Variants in ADCY8 observed in about 807,000 individuals in gnomAD.
ADCY8 encodes adenylate cyclase 8.
Under a neutral mutation model 119.7 loss-of-function variants are expected in ADCY8, and 51 were observed. The observed-to-expected ratio is 0.43, with a 90% CI of 0.34 to 0.54. The LOEUF is 0.54. Among genes scored for constraint, ADCY8 ranks in the 20% least tolerant of loss-of-function variants. The pLI is 0.03. For missense variants in ADCY8, 1,383 were observed against 1,598.8 expected, an observed-to-expected ratio of 0.87 and a Z score of 2.30; for synonymous variants, 665 against 651.0, an observed-to-expected ratio of 1.02 and a Z score of -0.33.
chr8:130,996,282 ATAT>A (rs1261744472), intron 1 of ADCY8, among the ~76,000 whole-genome samples: 2 of 152,072 alleles, frequency 1.3e-5, no homozygotes, highest in African/African-American at 4.8e-5. Flanking sequence ...TACAGCTTTA[ATAT>A]TATTACAATC....
intron 14 of ADCY8, among the ~76,000 whole-genome samples, chr8:130,811,040 C>T (rs748128305): frequency 2.0e-5 from 3 of 152,086 alleles, no homozygotes; most frequent in Admixed American, 1.3e-4. Context: ...CTGATATTCT[C>T]TCTGCTTCCA....
At chr8:130,907,314 C>T in intron 6 of ADCY8, among the ~76,000 whole-genome samples, 1 of 151,924 alleles carries the variant, frequency 6.6e-6, no homozygotes. Flanking sequence ...GAGAACCGTT[C>T]TTCTAGAAAC....
At chr8:130,862,569 C>G (rs886913606) in intron 9 of ADCY8, among the ~76,000 whole-genome samples, 1 of 152,138 alleles carries the variant, frequency 6.6e-6, no homozygotes, top group East Asian at 1.9e-4. Context: ...CCGGCCACCA[C>G]GCCTGGCTAA....
chr8:130,950,761 G>A (rs920450717), intron 3 of ADCY8, among the ~76,000 whole-genome samples: 3 of 152,168 alleles, frequency 2.0e-5, no homozygotes, highest in Admixed American at 6.5e-5. Context: ...GTTCAGTGGT[G>A]CGATCTCAGT....
chr8:131,019,700 T>C (rs1823591137), intron 1 of ADCY8, among the ~76,000 whole-genome samples: 1 of 152,136 alleles, frequency 6.6e-6, no homozygotes, highest in Non-Finnish European at 1.5e-5. Context: ...AAACATGGGA[T>C]GCTGAGACTA....
chr8:130,983,450 G>A (rs1822298226), intron 2 of ADCY8, among the ~76,000 whole-genome samples: 1 of 152,158 alleles, frequency 6.6e-6, no homozygotes, highest in Admixed American at 6.5e-5. Flanking sequence ...CACACTCCAG[G>A]GGCAGAGAGA....
chr8:131,011,605 T>C lies in ADCY8; in HGVS notation c.961-21063A>G, dbSNP rs371987009. Among the ~76,000 whole-genome samples, 11 of 152,306 alleles carry C rather than the reference T, an allele frequency of 7.2e-5. No homozygotes were observed. The East Asian group carries it at 1.7e-3, about 24-fold the overall frequency. On this transcript the variant is annotated intron_variant, in intron 1 of 17. Coordinates refer to ENST00000286355, the MANE Select transcript of ADCY8 (RefSeq NM_001115.3). ...AAGGCTAGCTGTAATCATCTAAAAG[T>C]GGAGGTGACAGTATGGGCCTGGGGT...
intron 5 of ADCY8, among the ~76,000 whole-genome samples, chr8:130,928,612 G>A (rs1008512792): frequency 7.2e-5 from 11 of 152,170 alleles, no homozygotes; most frequent in African/African-American, 1.9e-4. Flanking sequence ...TGCATCCTGG[G>A]ATGAATCCTA....
chr8:130,984,555 T>C (rs1018993151), intron 2 of ADCY8, among the ~76,000 whole-genome samples: 5 of 151,926 alleles, frequency 3.3e-5, no homozygotes, highest in African/African-American at 4.8e-5. Context: ...TCAAGAAGAA[T>C]GTTAAGGTGA....
intron 9 of ADCY8, among the ~76,000 whole-genome samples, chr8:130,863,161 A>C (rs1036318286): frequency 2.0e-5 from 3 of 151,842 alleles, no homozygotes; most frequent in African/African-American, 7.3e-5. Flanking sequence ...CTTGTTAGGC[A>C]CATAAATGTT....
intron 11 of ADCY8, among the ~76,000 whole-genome samples, chr8:130,843,287 G>A (rs554104278): frequency 6.6e-6 from 1 of 152,312 alleles, no homozygotes; most frequent in Admixed American, 6.5e-5. Context: ...CTCTGTGTGA[G>A]TTCCAGGTAC....
chr8:130,877,269 G>A (rs375103312), intron 8 of ADCY8, among the ~76,000 whole-genome samples: 15 of 152,258 alleles, frequency 9.9e-5, no homozygotes, highest in Middle Eastern at 3.4e-3. Flanking sequence ...ATTTTAGGAT[G>A]GGAAGTTCCC....
chr8:131,005,608 C>T (rs547765097), intron 1 of ADCY8, among the ~76,000 whole-genome samples: 1 of 152,230 alleles, frequency 6.6e-6, no homozygotes, highest in Non-Finnish European at 1.5e-5. Flanking sequence ...GTTTCTTCAT[C>T]TTTAGTTTCC....
At chr8:130,786,568 G>A (rs953912649) in intron 15 of ADCY8, among the ~76,000 whole-genome samples, 1 of 152,148 alleles carries the variant, frequency 6.6e-6, no homozygotes, top group Non-Finnish European at 1.5e-5. Flanking sequence ...GATTTCTGTT[G>A]TTTCAAGCCA....
chr8:130,889,272 A>C (rs1384784056), intron 7 of ADCY8, among the ~76,000 whole-genome samples: 1 of 152,126 alleles, frequency 6.6e-6, no homozygotes, highest in African/African-American at 2.4e-5. Context: ...CTTTGTCCCC[A>C]GGGCCTATGA....
intron 1 of ADCY8, among the ~76,000 whole-genome samples, chr8:130,998,685 C>T (rs1252497721): frequency 2.0e-5 from 3 of 152,096 alleles, no homozygotes; most frequent in Non-Finnish European, 2.9e-5. Flanking sequence ...AGGCTGCTTC[C>T]AAGAGTCTCC....
chr8:130,813,138 G>A (rs1387553645), intron 14 of ADCY8, among the ~76,000 whole-genome samples: 12 of 151,960 alleles, frequency 7.9e-5, no homozygotes, highest in African/African-American at 2.9e-4. Flanking sequence ...TAGTAGAGAC[G>A]GGGTTTCACC....
intron 5 of ADCY8, among the ~76,000 whole-genome samples, chr8:130,923,844 T>C (rs1407768897): frequency 6.6e-6 from 1 of 152,232 alleles, no homozygotes; most frequent in African/African-American, 2.4e-5. Context: ...CTAGCTAATA[T>C]CATGTTTCTA....
intron 2 of ADCY8, among the ~76,000 whole-genome samples, chr8:130,966,425 G>T (rs116728497): frequency 6.6e-6 from 1 of 152,296 alleles, no homozygotes; most frequent in African/African-American, 2.4e-5. Context: ...TAAGAGTGGG[G>T]TGGGTTAGGT....
Sources: gnomAD v4.1 joint callset for allele counts (sites outside exome capture counted in the v4.1 genomes callset) on GRCh38, gnomAD v4.1.1 for gene constraint, MANE v1.5 for transcripts, NCBI Gene and HGNC (gene_info 2026-07-23, HGNC 2026-07-21) for gene names.